The following SNTG1 variants were observed in gnomAD, a reference collection of about 807,000 sequenced individuals.
The protein encoded by SNTG1 is gamma-1-syntrophin.
In SNTG1, 39 loss-of-function variants were observed where a neutral mutation model predicts 74.7. The observed-to-expected ratio is 0.52, with a 90% confidence interval of 0.40 to 0.68. The LOEUF is 0.68. Among genes scored for constraint, SNTG1 ranks in the 30% least tolerant of loss-of-function variants. SNTG1 has a pLI of 0.00. For missense variants in SNTG1, 685 were observed against 609.5 expected (o/e 1.12, Z -1.30); for synonymous variants, 254 against 217.1 (o/e 1.17, Z -1.49).
chr8:50,788,128 C>A (rs1259511909), intron 18 of SNTG1, among the ~76,000 whole-genome samples: 1 of 151,842 alleles, frequency 6.6e-6, no homozygotes, highest in Non-Finnish European at 1.5e-5. Context: ...AAGAAATAAA[C>A]CTATGAATAA....
intron 2 of SNTG1, among the ~76,000 whole-genome samples, chr8:50,226,984 G>A (rs556461199): frequency 4.0e-4 from 61 of 152,278 alleles, no homozygotes; most frequent in African/African-American, 1.3e-3. Context: ...GATTTGAGGG[G>A]AAAGTTTGAT....
At chr8:50,730,644 T>C (rs551915942) in intron 17 of SNTG1, among the ~76,000 whole-genome samples, 1 of 152,324 alleles carries the variant, frequency 6.6e-6, no homozygotes, top group South Asian at 2.1e-4. Context: ...TAAGGATATG[T>C]TGTCTCAAAA....
chr8:50,230,396 A>G (rs2085556442), intron 2 of SNTG1, among the ~76,000 whole-genome samples: 1 of 151,352 alleles, frequency 6.6e-6, no homozygotes, highest in African/African-American at 2.4e-5. Flanking sequence ...GGAAAAACCA[A>G]AAGTACATTA....
chr8:50,229,657 C>T (rs1477166346), intron 2 of SNTG1, among the ~76,000 whole-genome samples: 4 of 150,510 alleles, frequency 2.7e-5, no homozygotes, highest in Non-Finnish European at 6.0e-5. Context: ...CTTTATCACC[C>T]TTTTTTTTAA....
chr8:50,456,158 C>T (rs750538329), intron 8 of SNTG1, among the ~76,000 whole-genome samples: 6 of 152,138 alleles, frequency 3.9e-5, no homozygotes, highest in Non-Finnish European at 5.9e-5. Context: ...CCCACATGTC[C>T]GTCCCCTGTA....
At chr8:50,058,416 T>C (rs1820204534) in intron 1 of SNTG1, among the ~76,000 whole-genome samples, 1 of 152,152 alleles carries the variant, frequency 6.6e-6, no homozygotes, top group Non-Finnish European at 1.5e-5. Flanking sequence ...TCTAAGTCTC[T>C]ATTTCCTATA....
At chr8:50,620,790 C>T (rs998861493) in intron 13 of SNTG1, among the ~76,000 whole-genome samples, 1 of 151,434 alleles carries the variant, frequency 6.6e-6, no homozygotes, top group Non-Finnish European at 1.5e-5. Flanking sequence ...TTTAAACTGA[C>T]TTCTAGATAG....
chr8:50,261,555 T>C (rs1193229012), intron 2 of SNTG1, among the ~76,000 whole-genome samples: 1 of 152,102 alleles, frequency 6.6e-6, no homozygotes, highest in African/African-American at 2.4e-5. Flanking sequence ...TGTTAGTTGC[T>C]ACTAATTATT....
rs114837040 is a variant in SNTG1 at position 50,249,654 on chromosome 8, A to G, written c.-28+77019A>G. On this transcript the variant is annotated intron_variant, in intron 2 of 18. Transcript: ENST00000642720. ...CTAGTCCACCACCCTTGCCACTACA[A>G]CACCACAGTCACAAACTGCTGTAGC... Among the ~76,000 whole-genome samples the G allele has an allele frequency of 1.7e-3, 262 of 152,282 alleles. 1 individual carries two copies. The highest frequency in any genetic ancestry group is 7.2e-3 in the South Asian group (35 of 4,830).
At chr8:50,067,684 G>T (rs2130980000) in intron 1 of SNTG1, among the ~76,000 whole-genome samples, 1 of 152,052 alleles carries the variant, frequency 6.6e-6, no homozygotes, top group Admixed American at 6.5e-5. Context: ...TTCTCTTTTT[G>T]TTGGAGTTTG....
At chr8:50,089,958 G>A (rs530535650) in intron 1 of SNTG1, among the ~76,000 whole-genome samples, 36 of 152,256 alleles carry the variant, frequency 2.4e-4, no homozygotes, top group Middle Eastern at 6.8e-3. Context: ...ACATGCACAC[G>A]AATGTTTATT....
chr8:50,601,498 T>C (rs556283145), intron 13 of SNTG1, among the ~76,000 whole-genome samples: 1 of 152,318 alleles, frequency 6.6e-6, no homozygotes, highest in African/African-American at 2.4e-5. Flanking sequence ...CTTGAGATGA[T>C]TTTAATTTTT....
chr8:50,186,274 A>AAT (rs2083381170), intron 2 of SNTG1, among the ~76,000 whole-genome samples: 3 of 152,138 alleles, frequency 2.0e-5, no homozygotes, highest in African/African-American at 7.2e-5. Context: ...GGTAGGCTCC[A>AAT]TGTCTTTGCT....
intron 2 of SNTG1, among the ~76,000 whole-genome samples, chr8:50,274,285 C>A (rs1242066479): frequency 6.6e-6 from 1 of 151,940 alleles, no homozygotes; most frequent in East Asian, 1.9e-4. Context: ...CAGGGTTTCA[C>A]CATGTTGGCC....
At chr8:50,105,924 T>A (rs1161535366) in intron 1 of SNTG1, among the ~76,000 whole-genome samples, 2 of 152,062 alleles carry the variant, frequency 1.3e-5, no homozygotes, top group Non-Finnish European at 2.9e-5. Context: ...ATCTGGAAGC[T>A]TTTGGGTAAT....
chr8:50,069,864 C>T (rs539718152), intron 1 of SNTG1, among the ~76,000 whole-genome samples: 1 of 152,062 alleles, frequency 6.6e-6, no homozygotes, highest in South Asian at 2.1e-4. Context: ...CCAAGCTGCT[C>T]TCCTCCTGCA....
At chr8:50,493,138 G>C (rs2093873410) in intron 8 of SNTG1, among the ~76,000 whole-genome samples, 1 of 152,168 alleles carries the variant, frequency 6.6e-6, no homozygotes, top group Non-Finnish European at 1.5e-5. Context: ...TCTTAAGATA[G>C]TAGAATATAC....
intron 13 of SNTG1, among the ~76,000 whole-genome samples, chr8:50,618,745 G>A (rs558754357): frequency 1.3e-5 from 2 of 152,280 alleles, no homozygotes; most frequent in South Asian, 4.2e-4. Context: ...TTGTCAGTTG[G>A]AGACCTCTAA....
At chr8:50,716,673 A>G (rs2095475780) in intron 17 of SNTG1, among the ~76,000 whole-genome samples, 1 of 152,082 alleles carries the variant, frequency 6.6e-6, no homozygotes, top group African/African-American at 2.4e-5. Flanking sequence ...AAAAAACCCA[A>G]CTTTTCATGC....
Sources: allele counts gnomAD v4.1 joint callset (sites outside exome capture counted in the v4.1 genomes callset), GRCh38; gene constraint gnomAD v4.1.1; transcripts MANE v1.5; gene names NCBI Gene and HGNC (gene_info 2026-07-23, HGNC 2026-07-21).